The following ITCH variants were observed in gnomAD, a reference collection of about 807,000 sequenced individuals.
The protein encoded by ITCH is itchy E3 ubiquitin protein ligase.
ITCH carries 28 observed loss-of-function variants against 126.8 expected under a neutral mutation model. That is an observed-to-expected ratio of 0.22 (90% CI 0.16 to 0.30). The LOEUF (loss-of-function observed/expected upper bound fraction) is 0.30. Among genes scored for constraint, ITCH ranks in the 10% least tolerant of loss-of-function variants. ITCH has a pLI of 1.00. For synonymous variants in ITCH, 342 were observed against 340.0 expected (o/e 1.01, Z -0.06); for missense variants, 631 against 1,032.4 (o/e 0.61, Z 5.33).
intron 23 of ITCH, among the ~76,000 whole-genome samples, chr20:34,496,634 C>G (rs1600497398): frequency 6.6e-6 from 1 of 151,874 alleles, no homozygotes. Flanking sequence ...GAAACCCTGT[C>G]TCTACTAAAA....
chr20:34,376,883 T>C (rs2037866258), intron 2 of ITCH, among the ~76,000 whole-genome samples: 1 of 152,090 alleles, frequency 6.6e-6, no homozygotes, highest in Admixed American at 6.6e-5. Flanking sequence ...AAGGTTGCAT[T>C]AAAGAGGGCC....
At chr20:34,372,854 C>T (rs1218211155) in intron 2 of ITCH, among the ~76,000 whole-genome samples, 1 of 152,046 alleles carries the variant, frequency 6.6e-6, no homozygotes, top group African/African-American at 2.4e-5. Flanking sequence ...AACAGACTTC[C>T]TTGCCAGTGA....
intron 6 of ITCH, among the ~76,000 whole-genome samples, chr20:34,423,837 A>G (rs1022404408): frequency 6.6e-6 from 1 of 152,150 alleles, no homozygotes; most frequent in African/African-American, 2.4e-5. Flanking sequence ...TCCTGACCTG[A>G]GGTGATTCGC....
chr20:34,379,738 G>A (rs2037981252), intron 2 of ITCH, among the ~76,000 whole-genome samples: 1 of 151,208 alleles, frequency 6.6e-6, no homozygotes, highest in Admixed American at 6.6e-5. Context: ...GGGAGTACAG[G>A]CACCCGCCAC....
chr20:34,510,443 A>ATTTTTTTTTTTTTTTTTTTTT lies in ITCH; in HGVS notation c.*2656_*2676dup, dbSNP rs10598635. 1 of 63,226 alleles carries ATTTTTTTTTTTTTTTTTTTTT rather than the reference A, an allele frequency of 1.6e-5. No individual in the cohort carries two copies. The highest frequency in any genetic ancestry group is 2.4e-4 in the Admixed American group (1 of 4,108). The allele number at this position is 63,226 out of a possible 1,614,324, so 3.9% of individuals were successfully genotyped here. On this transcript the variant is annotated 3_prime_UTR_variant, in exon 25 of 25. Transcript: ENST00000374864. ...TTGTAAATGCTAATAAATCCTGTTA[A>ATTTTTTTTTTTTTTTTTTTTT]TTTTTTTTTTTTTTTTTTTTTTTTT...
chr20:34,511,350 A>G lies in ITCH; in HGVS notation c.*3556A>G, dbSNP rs1028778274. On this transcript the variant is annotated 3_prime_UTR_variant, in exon 25 of 25. Transcript: ENST00000374864. ...GTGGTTGCCTCACTTGCGTTTTCCT[A>G]CAAGATGTAAGACTGTTTATAATTA... The G allele has an allele frequency of 1.3e-5, 2 of 152,140 alleles. No homozygotes were observed. The highest frequency in any genetic ancestry group is 4.8e-5 in the African/African-American group (2 of 41,422). The allele number at this position is 152,140 out of a possible 1,614,324, so 9.4% of individuals were successfully genotyped here. A position where few individuals can be genotyped will look rare whatever the true frequency, so the allele number is the denominator to read the frequency against.
At chr20:34,364,877 C>T (rs1424008814) in intron 1 of ITCH, among the ~76,000 whole-genome samples, 2 of 114,702 alleles carry the variant, frequency 1.7e-5, no homozygotes, top group South Asian at 2.9e-4. Context: ...GGCGACAGAG[C>T]GAGACTCCGC....
intron 7 of ITCH, 50 bp from the exon 8 acceptor site, chr20:34,438,424 A>T: frequency 6.3e-7 from 1 of 1,577,846 alleles, no homozygotes. Context: ...AAATTCAAGG[A>T]GTATTCATTA....
At chr20:34,383,793 T>A (rs1461397601) in intron 2 of ITCH, among the ~76,000 whole-genome samples, 1 of 151,372 alleles carries the variant, frequency 6.6e-6, no homozygotes, top group South Asian at 2.1e-4. Context: ...CCTCCCAAAG[T>A]ACCAGGATTA....
chr20:34,380,466 T>G (rs1463321541), intron 2 of ITCH, among the ~76,000 whole-genome samples: 1 of 152,156 alleles, frequency 6.6e-6, no homozygotes, highest in Non-Finnish European at 1.5e-5. Flanking sequence ...CCTTAGGTAA[T>G]CCACTTTGCT....
At chr20:34,450,133 A>T (rs1292699468) in intron 12 of ITCH, among the ~76,000 whole-genome samples, 1 of 152,180 alleles carries the variant, frequency 6.6e-6, no homozygotes, top group Admixed American at 6.5e-5. Context: ...CATGGTGAAA[A>T]TTTAACAATG....
intron 14 of ITCH, among the ~76,000 whole-genome samples, chr20:34,468,421 G>A (rs1249483415): frequency 6.6e-6 from 1 of 152,068 alleles, no homozygotes; most frequent in Admixed American, 6.6e-5. Flanking sequence ...AACATCAAGA[G>A]TAAGACAAGG....
intron 1 of ITCH, among the ~76,000 whole-genome samples, chr20:34,365,378 T>C (rs2037382725): frequency 6.6e-6 from 1 of 152,190 alleles, no homozygotes; most frequent in Non-Finnish European, 1.5e-5. Flanking sequence ...CAGTGTATTC[T>C]AGAATCAAAC....
chr20:34,404,982 T>C (rs928781152), intron 3 of ITCH, among the ~76,000 whole-genome samples: 1 of 150,398 alleles, frequency 6.6e-6, no homozygotes, highest in Non-Finnish European at 1.5e-5. Flanking sequence ...AGAAAAAAAA[T>C]ACAAAAATTT....
chr20:34,478,402 T>C (rs1483014801), intron 17 of ITCH, among the ~76,000 whole-genome samples: 1 of 152,214 alleles, frequency 6.6e-6, no homozygotes, highest in African/African-American at 2.4e-5. Context: ...GCTTTCTTCA[T>C]ATTGGAGCTT....
chr20:34,396,222 C>T (rs945849054), intron 3 of ITCH, among the ~76,000 whole-genome samples: 3 of 151,682 alleles, frequency 2.0e-5, no homozygotes, highest in African/African-American at 4.8e-5. Context: ...TTAGTAAAGA[C>T]GGGGTTTCAC....
chr20:34,508,779 T>C lies in ITCH; in HGVS notation c.*985T>C, dbSNP rs920199219. 12 of 152,188 alleles carry C rather than the reference T, an allele frequency of 7.9e-5. No individual in the cohort carries two copies. The highest frequency in any genetic ancestry group is 2.9e-4 in the African/African-American group (12 of 41,442). 9.4% of individuals were successfully genotyped at this position (152,188 alleles called of 1,614,324 possible). ...TATGTTCCGCTATATAATTGATGCT[T>C]TATAGTTTTATCATAATCCAACAAC... On this transcript the variant is annotated 3_prime_UTR_variant, in exon 25 of 25. Coordinates refer to ENST00000374864, the MANE Select transcript of ITCH (RefSeq NM_031483.7).
At chr20:34,451,409 G>A (rs1985230725) in intron 12 of ITCH, among the ~76,000 whole-genome samples, 1 of 151,786 alleles carries the variant, frequency 6.6e-6, no homozygotes, top group Non-Finnish European at 1.5e-5. Flanking sequence ...TCAGAGAGTC[G>A]AGATCACACT....
chr20:34,462,355 A>T, intron 14 of ITCH, 134 bp downstream of exon 14: 1 of 899,324 alleles, frequency 1.1e-6, no homozygotes, highest in South Asian at 1.5e-5. Context: ...CTGTTCATTA[A>T]GTATTTTGCA....
Sources: gnomAD v4.1 joint callset for allele counts (sites outside exome capture counted in the v4.1 genomes callset) on GRCh38, gnomAD v4.1.1 for gene constraint, MANE v1.5 for transcripts, NCBI Gene and HGNC (gene_info 2026-07-23, HGNC 2026-07-21) for gene names.